OLA1: variants seen among roughly 807,000 people sequenced by gnomAD.
OLA1 encodes Obg like ATPase 1, also known as obg-like ATPase 1.
A neutral mutation model predicts 48.4 loss-of-function variants in OLA1; 14 were observed. That is an observed-to-expected ratio of 0.29 (90% CI 0.19 to 0.45). The LOEUF is 0.45. OLA1 is among the 20% of genes least tolerant of loss of function. OLA1 has a pLI of 1.00. For synonymous variants in OLA1, 127 were observed against 150.4 expected, an observed-to-expected ratio of 0.84 and a Z score of 1.14; for missense variants, 325 against 467.1, an observed-to-expected ratio of 0.70 and a Z score of 2.80.
intron 2 of OLA1, among the ~76,000 whole-genome samples, chr2:174,234,569 T>G (rs1213826106): frequency 6.6e-6 from 1 of 152,058 alleles, no homozygotes; most frequent in Non-Finnish European, 1.5e-5. Flanking sequence ...GATCAAGAGA[T>G]CCTCCCGCTT....
chr2:174,145,744 G>A (rs1361890252), intron 4 of OLA1, among the ~76,000 whole-genome samples: 3 of 152,064 alleles, frequency 2.0e-5, no homozygotes, highest in Admixed American at 2.0e-4. Context: ...AATAAATTTA[G>A]CCAAAAATGT....
intron 7 of OLA1, among the ~76,000 whole-genome samples, chr2:174,113,278 T>C (rs1479058961): frequency 6.6e-6 from 1 of 152,220 alleles, no homozygotes; most frequent in Non-Finnish European, 1.5e-5. Flanking sequence ...TGGTTTGCTA[T>C]AACAGAAAAA....
chr2:174,222,916 T>TTCA, intron 4 of OLA1, 117 bp downstream of exon 4: 1 of 1,080,236 alleles, frequency 9.3e-7, no homozygotes, highest in Non-Finnish European at 1.3e-6. Context: ...AAACCCAAGA[T>TTCA]TCATCTGGTA....
At chr2:174,111,830 A>G (rs1375787539) in intron 7 of OLA1, among the ~76,000 whole-genome samples, 1 of 152,188 alleles carries the variant, frequency 6.6e-6, no homozygotes, top group Non-Finnish European at 1.5e-5. Flanking sequence ...TACACAAATA[A>G]AACAAGTGGT....
At chr2:174,160,465 C>T (rs1215520370) in intron 4 of OLA1, among the ~76,000 whole-genome samples, 1 of 152,104 alleles carries the variant, frequency 6.6e-6, no homozygotes, top group Non-Finnish European at 1.5e-5. Flanking sequence ...AAAAGAGATT[C>T]AACCTGGTTA....
In OLA1 at chr2:174,150,859, T is replaced by C. The variant is rs576260550; in HGVS notation, c.374-8859A>G. 7.2e-5 allele frequency among the ~76,000 whole-genome samples: 11 copies of C among 152,128 alleles called. No individual in the cohort carries two copies. The East Asian group carries it at 2.1e-3, about 29-fold the overall frequency. On this transcript the variant is annotated intron_variant, in intron 4 of 10. Transcript: ENST00000284719. ...AATATTCACTAGCAAAGACTTTAAA[T>C]CTAAGCATAATTAATAACAGGTAGC...
chr2:174,120,985 T>C (rs1043755406), intron 7 of OLA1, among the ~76,000 whole-genome samples: 1 of 152,190 alleles, frequency 6.6e-6, no homozygotes, highest in Non-Finnish European at 1.5e-5. Context: ...TTTCTTTTGC[T>C]AAAGAAGCAA....
intron 7 of OLA1, among the ~76,000 whole-genome samples, chr2:174,082,639 T>C (rs1351295408): frequency 6.6e-6 from 1 of 152,130 alleles, no homozygotes; most frequent in Non-Finnish European, 1.5e-5. Context: ...TTTACAAATA[T>C]GGTTGATCAC....
chr2:174,209,212 C>T (rs1688185261), intron 4 of OLA1, among the ~76,000 whole-genome samples: 1 of 152,166 alleles, frequency 6.6e-6, no homozygotes, highest in Admixed American at 6.5e-5. Flanking sequence ...TTTCCTGAAA[C>T]ACTTACGAAG....
chr2:174,152,185 T>C (rs1384857010), intron 4 of OLA1, among the ~76,000 whole-genome samples: 1 of 152,174 alleles, frequency 6.6e-6, no homozygotes, highest in Admixed American at 6.5e-5. Flanking sequence ...GGTGGGCAGA[T>C]CACCTAAGGT....
chr2:174,213,279 A>G (rs1688284955), intron 4 of OLA1, among the ~76,000 whole-genome samples: 1 of 152,214 alleles, frequency 6.6e-6, no homozygotes, highest in African/African-American at 2.4e-5. Context: ...TCTTGCTTCT[A>G]GTCTCCAAGG....
chr2:174,196,289 T>C (rs371110086), intron 4 of OLA1, among the ~76,000 whole-genome samples: 2 of 152,172 alleles, frequency 1.3e-5, no homozygotes, highest in South Asian at 2.1e-4. Flanking sequence ...ATTAAGAGCA[T>C]TAAATTTCAT....
intron 4 of OLA1, among the ~76,000 whole-genome samples, chr2:174,217,498 GAA>G (rs1205249903): frequency 1.3e-5 from 2 of 152,100 alleles, no homozygotes; most frequent in Non-Finnish European, 2.9e-5. Context: ...AAAAGTATAA[GAA>G]AAGTTTTCTT....
chr2:174,215,160 T>G (rs1688335485), intron 4 of OLA1, among the ~76,000 whole-genome samples: 1 of 151,884 alleles, frequency 6.6e-6, no homozygotes, highest in African/African-American at 2.4e-5. Context: ...ACCTAAAAGA[T>G]CCATAAAAGA....
At chr2:174,084,322 T>C (rs947592139) in intron 7 of OLA1, among the ~76,000 whole-genome samples, 3 of 152,194 alleles carry the variant, frequency 2.0e-5, no homozygotes, top group Non-Finnish European at 4.4e-5. Context: ...AAAGGTACCG[T>C]AGCACTCTCC....
intron 4 of OLA1, among the ~76,000 whole-genome samples, chr2:174,220,167 T>C (rs1219480708): frequency 2.0e-5 from 3 of 152,102 alleles, no homozygotes; most frequent in Non-Finnish European, 4.4e-5. Flanking sequence ...TTTAAGCCAT[T>C]TGAGATGGAT....
At chr2:174,184,517 G>A (rs1451561409) in intron 4 of OLA1, among the ~76,000 whole-genome samples, 1 of 152,160 alleles carries the variant, frequency 6.6e-6, no homozygotes, top group Non-Finnish European at 1.5e-5. Flanking sequence ...AGAAGACTAA[G>A]GAAACATGAC....
intron 7 of OLA1, among the ~76,000 whole-genome samples, chr2:174,110,601 C>A (rs1274432494): frequency 1.3e-5 from 2 of 151,762 alleles, no homozygotes; most frequent in East Asian, 3.9e-4. Context: ...CAGGCCATCA[C>A]AAGAGGCTAA....
chr2:174,102,978 T>C (rs1685430944), intron 7 of OLA1, among the ~76,000 whole-genome samples: 1 of 152,130 alleles, frequency 6.6e-6, no homozygotes, highest in Non-Finnish European at 1.5e-5. Context: ...CAATGAGTAA[T>C]ATGCCACTTT....
Sources: allele counts gnomAD v4.1 joint callset (sites outside exome capture counted in the v4.1 genomes callset), GRCh38; gene constraint gnomAD v4.1.1; transcripts MANE v1.5; gene names NCBI Gene and HGNC (gene_info 2026-07-23, HGNC 2026-07-21).